The following SUGCT variants were observed in gnomAD, a reference collection of about 807,000 sequenced individuals.
SUGCT encodes succinyl-CoA:glutarate CoA-transferase.
In SUGCT, 41 loss-of-function variants were observed where a neutral mutation model predicts 55.0. The ratio of observed to expected loss-of-function variants is 0.74; its 90% CI spans 0.58 to 0.97. The LOEUF (loss-of-function observed/expected upper bound fraction) is 0.97, where lower values mean the gene tolerates loss of function less well. Among genes scored for constraint, SUGCT ranks in the 50% least tolerant of loss-of-function variants. The pLI is 0.00. For synonymous variants in SUGCT, 187 were observed against 200.4 expected (o/e 0.93, Z 0.56); for missense variants, 568 against 547.8 (o/e 1.04, Z -0.37).
intron 9 of SUGCT, among the ~76,000 whole-genome samples, chr7:40,354,942 A>G (rs577392538): frequency 6.6e-6 from 1 of 152,186 alleles, no homozygotes; most frequent in South Asian, 2.1e-4. Flanking sequence ...CCACAAATGC[A>G]TATGCAATTT....
chr7:40,572,135 G>A (rs1272128145), intron 12 of SUGCT, among the ~76,000 whole-genome samples: 1 of 152,042 alleles, frequency 6.6e-6, no homozygotes, highest in Admixed American at 6.5e-5. Flanking sequence ...CTTCGTTCAG[G>A]ATGTGGTCAG....
intron 13 of SUGCT, among the ~76,000 whole-genome samples, chr7:40,789,583 T>C (rs573208812): frequency 2.0e-5 from 3 of 152,260 alleles, no homozygotes; most frequent in East Asian, 1.9e-4. Flanking sequence ...GCAGTGAACA[T>C]TGGGGTGCTA....
chr7:40,518,431 A>C (rs1017539577), intron 12 of SUGCT, among the ~76,000 whole-genome samples: 3 of 152,164 alleles, frequency 2.0e-5, no homozygotes, highest in African/African-American at 4.8e-5. Context: ...TGAAAGCCAG[A>C]TTACTTATGT....
At chr7:40,949,168 C>T in the SUGCT span, among the ~76,000 whole-genome samples, 1 of 152,286 alleles carries the variant, frequency 6.6e-6, no homozygotes, top group East Asian at 1.9e-4. Flanking sequence ...GAGATGGTAT[C>T]TCATTGTGGT....
intron 9 of SUGCT, among the ~76,000 whole-genome samples, chr7:40,436,140 G>A (rs1271158822): frequency 6.6e-6 from 1 of 151,422 alleles, no homozygotes; most frequent in African/African-American, 2.4e-5. Context: ...ACAGGGTTTC[G>A]TCATGTTGGC....
At chr7:40,237,200 T>G (rs1257258764) in intron 6 of SUGCT, among the ~76,000 whole-genome samples, 2 of 151,292 alleles carry the variant, frequency 1.3e-5, no homozygotes, top group Non-Finnish European at 3.0e-5. Context: ...TCCTAGCATT[T>G]TGGGAGGCTG....
intron 3 of SUGCT, among the ~76,000 whole-genome samples, chr7:40,185,983 G>A (rs935619540): frequency 1.3e-5 from 2 of 152,006 alleles, no homozygotes; most frequent in Non-Finnish European, 2.9e-5. Context: ...CAACTTGGTG[G>A]TATTTTCACA....
At chr7:40,436,597 T>C (rs1209946886) in intron 9 of SUGCT, among the ~76,000 whole-genome samples, 2 of 152,214 alleles carry the variant, frequency 1.3e-5, no homozygotes, top group African/African-American at 2.4e-5. Context: ...ATGCCTTTAG[T>C]CTGAGGTAAA....
At chr7:40,176,390 A>G (rs1177652153) in intron 1 of SUGCT, among the ~76,000 whole-genome samples, 1 of 152,194 alleles carries the variant, frequency 6.6e-6, no homozygotes, top group Non-Finnish European at 1.5e-5. Context: ...AGCAGGAGAT[A>G]CACAGAATGA....
chr7:40,366,773 T>TG (rs1403303314), intron 9 of SUGCT, among the ~76,000 whole-genome samples: 1 of 151,970 alleles, frequency 6.6e-6, no homozygotes, highest in South Asian at 2.1e-4. Context: ...CAACAGGTGC[T>TG]GGAGAGGATG....
chr7:40,250,828 C>CTTCTTTTTTTTTTTTT (rs1253390486), intron 7 of SUGCT, among the ~76,000 whole-genome samples: 2 of 121,266 alleles, frequency 1.6e-5, no homozygotes, highest in African/African-American at 7.3e-5. Context: ...TTTCACGCTT[C>CTTCTTTTTTTTTTTTT]TTTTTTTTTT....
chr7:40,881,712 G>A, the SUGCT span, among the ~76,000 whole-genome samples: 1 of 152,172 alleles, frequency 6.6e-6, no homozygotes, highest in African/African-American at 2.4e-5. Context: ...TTCACCATGT[G>A]GAAGTTGACA....
At chr7:40,423,441 T>G (rs1028642531) in intron 9 of SUGCT, among the ~76,000 whole-genome samples, 7 of 152,178 alleles carry the variant, frequency 4.6e-5, no homozygotes, top group African/African-American at 1.7e-4. Context: ...TCAATTTAAG[T>G]AACCAAAAGC....
intron 12 of SUGCT, among the ~76,000 whole-genome samples, chr7:40,599,546 T>C (rs537041156): frequency 1.3e-5 from 2 of 152,268 alleles, no homozygotes; most frequent in Admixed American, 6.5e-5. Context: ...AGTCACCTTA[T>C]TGATTACAAG....
chr7:40,527,949 C>T (rs1793892106), intron 12 of SUGCT, among the ~76,000 whole-genome samples: 1 of 152,144 alleles, frequency 6.6e-6, no homozygotes, highest in Admixed American at 6.5e-5. Context: ...AAACTCAGTG[C>T]CCTTGCATTT....
chr7:41,025,495 G>A, the SUGCT span, among the ~76,000 whole-genome samples: 65 of 151,546 alleles, frequency 4.3e-4, no homozygotes, highest in Non-Finnish European at 7.7e-4. Context: ...TCAGCCTCCC[G>A]AGTAGCTGGA....
At chr7:40,877,712 A>T in the SUGCT span, among the ~76,000 whole-genome samples, 2 of 152,210 alleles carry the variant, frequency 1.3e-5, no homozygotes, top group Admixed American at 1.3e-4. Context: ...TGAGATTCTC[A>T]GTTCTAGAAA....
At chr7:40,962,565 TCACACA>T in the SUGCT span, among the ~76,000 whole-genome samples, 11,591 of 135,928 alleles carry the variant, frequency 0.085, 501 homozygotes, top group African/African-American at 0.11. Flanking sequence ...CAAAGGTAAA[TCACACA>T]CACACACACA....
At chr7:40,148,305 G>A (rs1462709933) in intron 1 of SUGCT, among the ~76,000 whole-genome samples, 1 of 152,182 alleles carries the variant, frequency 6.6e-6, no homozygotes, top group African/African-American at 2.4e-5. Flanking sequence ...ATCTAACACA[G>A]GCAATTATGT....
Sources: gnomAD v4.1 joint callset for allele counts (sites outside exome capture counted in the v4.1 genomes callset) on GRCh38, gnomAD v4.1.1 for gene constraint, MANE v1.5 for transcripts, NCBI Gene and HGNC (gene_info 2026-07-23, HGNC 2026-07-21) for gene names.